The following ASAH1 variants were observed in gnomAD, a reference collection of about 807,000 sequenced individuals.
The protein encoded by ASAH1 is N-acylsphingosine amidohydrolase 1, also known as acid ceramidase.
Under a neutral mutation model 59.5 loss-of-function variants are expected in ASAH1, and 70 were observed. The observed-to-expected ratio is 1.18, with a 90% CI of 0.97 to 1.43. The LOEUF (loss-of-function observed/expected upper bound fraction) is 1.43. Among genes scored for constraint, ASAH1 ranks in the 40% most tolerant of loss-of-function variants. The pLI, the probability that ASAH1 is intolerant of heterozygous loss-of-function variation, is 0.00. For synonymous variants in ASAH1, 213 were observed against 166.5 expected (o/e 1.28, Z -2.15); for missense variants, 660 against 482.5 (o/e 1.37, Z -3.45).
At chr8:18,075,337 C>A (rs891569422) in intron 2 of ASAH1, 1 of 687,052 alleles carries the variant, frequency 1.5e-6, no homozygotes, top group Non-Finnish European at 2.6e-6. Flanking sequence ...TAGCGACGGG[C>A]ATTTGAATCG....
chr8:18,069,633 A>G (rs1024159948), intron 4 of ASAH1, 159 bp downstream of exon 4: 3 of 590,794 alleles, frequency 5.1e-6, no homozygotes, highest in East Asian at 2.9e-5. Flanking sequence ...AATATTACCA[A>G]TTCCCCAAAT....
chr8:18,072,558 C>T (rs950143775), intron 2 of ASAH1, among the ~76,000 whole-genome samples: 1 of 152,122 alleles, frequency 6.6e-6, no homozygotes, highest in African/African-American at 2.4e-5. Context: ...TCATAGTGAA[C>T]GAATTTTGTT....
At chr8:18,065,772 G>A (rs1588983901) in intron 5 of ASAH1, 1 of 152,130 alleles carries the variant, frequency 6.6e-6, no homozygotes, top group East Asian at 1.9e-4. Context: ...TAACTGAGGT[G>A]AAATAGTATT....
At chr8:18,063,571 G>T (rs569501448) in intron 6 of ASAH1, 3 of 251,568 alleles carry the variant, frequency 1.2e-5, no homozygotes, top group Non-Finnish European at 2.3e-5. Context: ...CGCCCGCCTC[G>T]GCCTCGCAAA....
chr8:18,084,724 G>GAAA, upstream of ASAH1: 1 of 1,613,748 alleles, frequency 6.2e-7, no homozygotes, highest in African/African-American at 1.3e-5. Flanking sequence ...AGGCCTCGGT[G>GAAA]AAAAGCGCGC....
At position 18,061,418 on chromosome 8, in the gene ASAH1, C is replaced by T; in HGVS notation, c.744G>A (p.Trp248Ter). 1 of 1,613,168 alleles carries T rather than the reference C, an allele frequency of 6.2e-7. No homozygotes were observed. Residue 248 changes from tryptophan (W) to a stop codon, truncating the protein, a stop_gained, in exon 10 of 14, where the codon TGG becomes TGA. Coordinates refer to ENST00000637790, the MANE Select transcript of ASAH1 (RefSeq NM_177924.5). LOFTEE classifies it high-confidence loss of function. ...GAACTGTTCTAGTGAGGAACCCTAT[C>T]CACATGACATCTTTCTTTCCCAGAA... The part of the protein sequence containing the change: ...EWILGKKDVM[W>*]IGFLTRTVLE...
intron 3 of ASAH1, among the ~76,000 whole-genome samples, chr8:18,070,677 G>A (rs1800134175): frequency 6.6e-6 from 1 of 152,098 alleles, no homozygotes; most frequent in Non-Finnish European, 1.5e-5. Context: ...TGACATAAAG[G>A]GAAAGAAACA....
chr8:18,072,527 G>T (rs1397993301), intron 2 of ASAH1, among the ~76,000 whole-genome samples: 3 of 150,074 alleles, frequency 2.0e-5, no homozygotes, highest in African/African-American at 7.3e-5. Flanking sequence ...TTCGATTTTG[G>T]AAATGTACAT....
Position 18,069,792 on chromosome 8 carries a change from C to A in ASAH1, c.303G>T (p.Leu101Phe), listed in dbSNP as rs747378506. 1 of 1,556,778 alleles carries A rather than the reference C, an allele frequency of 6.4e-7. No homozygotes were observed. Among genetic ancestry groups the A allele is most frequent in the South Asian group, 1.1e-5 (1 of 89,700 alleles). Residue 101 changes from leucine (L) to phenylalanine (F), a missense_variant and splice_region_variant, in exon 4 of 14, where the codon TTG (leucine) becomes TTT (phenylalanine). Leu to Phe is a conservative substitution (Grantham distance 22). Transcript: ENST00000637790. ...GKIMQVVDEK[L>F]PGLLGNFPGP... ...TATTGTGAGAAATAATATCTCTTAC[C>A]AATTTTTCATCCACCACCTGCATAA...
At chr8:18,078,013 G>C (rs955370852) in intron 1 of ASAH1, among the ~76,000 whole-genome samples, 4 of 152,142 alleles carry the variant, frequency 2.6e-5, no homozygotes, top group African/African-American at 7.2e-5. Flanking sequence ...GACAGAATCA[G>C]AGTCAATGGC....
At chr8:18,084,567 G>A, upstream of ASAH1, 1 of 1,544,062 alleles carries the variant, frequency 6.5e-7, no homozygotes, top group Non-Finnish European at 8.8e-7. Context: ...CCCGAAATGA[G>A]TTGAGTTATT....
intron 4 of ASAH1, 196 bp downstream of exon 4, chr8:18,069,596 A>C (rs1800073000): frequency 1.9e-6 from 1 of 530,134 alleles, no homozygotes; most frequent in Non-Finnish European, 3.4e-6. Context: ...CCTTTTACGA[A>C]ACCATAATTT....
At chr8:18,069,974 T>G (rs1276740932) in intron 3 of ASAH1, 96 bp from the exon 4 acceptor site, 5 of 786,514 alleles carry the variant, frequency 6.4e-6, no homozygotes. Flanking sequence ...AGAGTGCTAT[T>G]TGACAATTTA....
chr8:18,070,267 A>T (rs1477595193), intron 3 of ASAH1, among the ~76,000 whole-genome samples: 1 of 152,148 alleles, frequency 6.6e-6, no homozygotes, highest in Non-Finnish European at 1.5e-5. Flanking sequence ...CTCTTGCCTC[A>T]GCCTCCCAAG....
intron 8 of ASAH1, chr8:18,062,007 C>A (rs925043068): frequency 3.2e-6 from 2 of 618,238 alleles, no homozygotes; most frequent in African/African-American, 1.8e-5. Flanking sequence ...CCTAAGTGAG[C>A]GGAAGACCCA....
chr8:18,073,401 C>CT, intron 2 of ASAH1: 1 of 1,017,010 alleles, frequency 9.8e-7, no homozygotes, highest in Non-Finnish European at 1.5e-6. Flanking sequence ...ATTTTTGAGA[C>CT]TTAGTGTTTG....
chr8:18,059,856 G>C, intron 10 of ASAH1, 153 bp from the exon 11 acceptor site: 1 of 705,986 alleles, frequency 1.4e-6, no homozygotes, highest in Non-Finnish European at 2.3e-6. Context: ...GTGGTTTGCT[G>C]CACCCATCAA....
chr8:18,079,698 C>T (rs557888711), intron 1 of ASAH1, among the ~76,000 whole-genome samples: 1 of 152,198 alleles, frequency 6.6e-6, no homozygotes, highest in Non-Finnish European at 1.5e-5. Flanking sequence ...GTTTTCATAC[C>T]CACCAGAAGC....
chr8:18,084,433 A>G (rs1800811177), upstream of ASAH1: 1 of 1,366,054 alleles, frequency 7.3e-7, no homozygotes. Context: ...GGGCGCCTCT[A>G]GCAGGCGGGT....
Sources: gnomAD v4.1 joint callset for allele counts (sites outside exome capture counted in the v4.1 genomes callset) on GRCh38, gnomAD v4.1.1 for gene constraint, MANE v1.5 for transcripts, NCBI Gene and HGNC (gene_info 2026-07-23, HGNC 2026-07-21) for gene names.